Variants in PTGER3 observed in about 807,000 individuals in gnomAD.
PTGER3 encodes prostaglandin E receptor 3.
PTGER3 carries 22 observed loss-of-function variants against 34.7 expected under a neutral mutation model. That is an observed-to-expected ratio of 0.63 (90% CI 0.45 to 0.91). PTGER3 has a LOEUF of 0.91. Ranked by LOEUF, PTGER3 falls within the 40% of genes least tolerant of loss-of-function variation. The probability of loss-of-function intolerance (pLI) is 0.00; values close to 1 mark genes in which losing one functional copy is unlikely to be tolerated. For missense variants in PTGER3, 468 were observed against 519.4 expected (o/e 0.90, Z 0.96); for synonymous variants, 241 against 230.1 (o/e 1.05, Z -0.43).
intron 4 of PTGER3, among the ~76,000 whole-genome samples, chr1:70,880,958 G>A (rs1297684221): frequency 1.3e-5 from 2 of 152,002 alleles, no homozygotes; most frequent in Non-Finnish European, 2.9e-5. Context: ...CCTCTCTAGT[G>A]AGATTGGGAA....
At chr1:70,967,273 A>G (rs947608090), downstream of PTGER3, among the ~76,000 whole-genome samples, 1 of 152,080 alleles carries the variant, frequency 6.6e-6, no homozygotes, top group African/African-American at 2.4e-5. Context: ...ATTCATTTAT[A>G]TTATAGTCTG....
At position 70,928,131 on chromosome 1, in the gene PTGER3, A is replaced by ATT. The variant is rs1553164225; in HGVS notation, c.*23+25630_*23+25631dup. ...AGAAATCCATTCATCATATATATAT[A>ATT]TTTATATATATATATTTATAGACAT... On this transcript the variant is annotated intron_variant, in intron 4 of 4. Transcript: ENST00000370931. 5.0e-3 allele frequency among the ~76,000 whole-genome samples: 391 copies of ATT among 77,780 alleles called. 1 individual carries two copies. Among genetic ancestry groups the ATT allele is most frequent in the African/African-American group, 0.017 (350 of 20,100 alleles). 51.0% of individuals were successfully genotyped at this position (77,780 alleles called of 152,430 possible). A position where few individuals can be genotyped will look rare whatever the true frequency, so the allele number is the denominator to read the frequency against.
intron 4 of PTGER3, among the ~76,000 whole-genome samples, chr1:70,899,830 G>A (rs1646799197): frequency 6.6e-6 from 1 of 152,008 alleles, no homozygotes; most frequent in South Asian, 2.1e-4. Context: ...GAGATTAGGA[G>A]AGAAAATAGA....
chr1:70,876,821 T>A (rs1250404710), intron 4 of PTGER3, among the ~76,000 whole-genome samples: 2 of 152,174 alleles, frequency 1.3e-5, no homozygotes, highest in African/African-American at 4.8e-5. Flanking sequence ...TATGTGTCTG[T>A]TTTTGTATCA....
At chr1:70,979,746 T>G (rs541981409) in intron 2 of PTGER3, among the ~76,000 whole-genome samples, 6 of 152,106 alleles carry the variant, frequency 3.9e-5, no homozygotes, top group Admixed American at 2.0e-4. Context: ...TCTGATCAAC[T>G]CAAACTATAT....
intron 1 of PTGER3, among the ~76,000 whole-genome samples, chr1:71,023,516 T>C (rs966722234): frequency 3.3e-5 from 5 of 151,972 alleles, no homozygotes; most frequent in Non-Finnish European, 7.3e-5. Flanking sequence ...TTATGTGCTA[T>C]AGGCCATACC....
chr1:71,007,826 A>G (rs1222638303), intron 2 of PTGER3: 7 of 984,846 alleles, frequency 7.1e-6, no homozygotes, highest in Non-Finnish European at 8.4e-6. Flanking sequence ...TTCTAATTCT[A>G]AAGCATTTAA....
chr1:70,911,036 C>T (rs999941873), intron 4 of PTGER3, among the ~76,000 whole-genome samples: 12 of 150,790 alleles, frequency 8.0e-5, no homozygotes, highest in Non-Finnish European at 1.3e-4. Context: ...GCTGAGATTG[C>T]GCCACTGCAC....
intron 4 of PTGER3, among the ~76,000 whole-genome samples, chr1:70,859,235 A>G (rs1053136001): frequency 6.6e-6 from 1 of 152,262 alleles, no homozygotes; most frequent in Non-Finnish European, 1.5e-5. Flanking sequence ...CAAAGAATGA[A>G]TTAAATAATT....
At chr1:70,990,135 C>G (rs1380866130) in intron 2 of PTGER3, among the ~76,000 whole-genome samples, 2 of 151,624 alleles carry the variant, frequency 1.3e-5, no homozygotes, top group African/African-American at 2.4e-5. Flanking sequence ...GGGCGGATCA[C>G]GAGGTCAGGA....
At chr1:71,011,107 T>G in intron 2 of PTGER3, 3 of 985,706 alleles carry the variant, frequency 3.0e-6, no homozygotes, top group Non-Finnish European at 3.6e-6. Flanking sequence ...GAAGTGCAAT[T>G]CCCAAAACTT....
chr1:70,859,534 A>T (rs908084478), intron 4 of PTGER3, among the ~76,000 whole-genome samples: 1 of 152,210 alleles, frequency 6.6e-6, no homozygotes, highest in African/African-American at 2.4e-5. Context: ...TGTAGTTGGC[A>T]CTGTAATTTT....
In PTGER3 at chr1:70,900,627, T is replaced by C. The variant is rs531053315; in HGVS notation, c.*24-47768A>G. ...TATTTCTTTCTTGTCCAAGGTGAGA[T>C]ACAAAATGTAATGTATGCAGCTTGG... On this transcript the variant is annotated intron_variant, in intron 4 of 4. Coordinates refer to the PTGER3 transcript ENST00000370931. 3.9e-5 allele frequency among the ~76,000 whole-genome samples: 6 copies of C among 152,304 alleles called. 1 individual carries two copies. The East Asian group carries it at 1.2e-3, about 29-fold the overall frequency.
At chr1:70,964,341 G>T (rs1652282309) in intron 2 of PTGER3, among the ~76,000 whole-genome samples, 1 of 152,102 alleles carries the variant, frequency 6.6e-6, no homozygotes, top group Admixed American at 6.5e-5. Context: ...TCAATTTACT[G>T]TATCAGTCTG....
chr1:70,987,050 A>G (rs928899902), intron 2 of PTGER3, among the ~76,000 whole-genome samples: 1 of 152,182 alleles, frequency 6.6e-6, no homozygotes, highest in African/African-American at 2.4e-5. Context: ...ATTACAGCCT[A>G]GTTGTACACT....
chr1:70,938,397 G>GA (rs1282203895), intron 4 of PTGER3, among the ~76,000 whole-genome samples: 2 of 152,066 alleles, frequency 1.3e-5, no homozygotes, highest in East Asian at 3.9e-4. Context: ...GGTTCTCACT[G>GA]AAAAAGAATT....
intron 2 of PTGER3, among the ~76,000 whole-genome samples, chr1:70,990,295 TGCA>T (rs1402399668): frequency 1.9e-4 from 28 of 149,642 alleles, no homozygotes; most frequent in Non-Finnish European, 3.9e-4. Flanking sequence ...AGACGGAGCT[TGCA>T]GTGAGCTGAG....
At chr1:71,009,397 C>A in intron 2 of PTGER3, 1 of 980,122 alleles carries the variant, frequency 1.0e-6, no homozygotes, top group Non-Finnish European at 1.2e-6. Flanking sequence ...TTACATTTAC[C>A]TAAAATATCT....
chr1:70,985,320 C>T (rs1453407974), intron 2 of PTGER3, among the ~76,000 whole-genome samples: 4 of 152,088 alleles, frequency 2.6e-5, no homozygotes, highest in Non-Finnish European at 5.9e-5. Context: ...TCTCCTCCAG[C>T]CTCCCTGAAG....
Sources: allele counts gnomAD v4.1 joint callset (sites outside exome capture counted in the v4.1 genomes callset), GRCh38; gene constraint gnomAD v4.1.1; transcripts MANE v1.5; gene names NCBI Gene and HGNC (gene_info 2026-07-23, HGNC 2026-07-21).